The following SLC28A3 variants were observed in gnomAD, a reference collection of about 807,000 sequenced individuals.
SLC28A3 encodes solute carrier family 28 member 3.
Under a neutral mutation model 84.2 loss-of-function variants are expected in SLC28A3, and 68 were observed. The ratio of observed to expected loss-of-function variants is 0.81; its 90% CI spans 0.66 to 0.99. The LOEUF (loss-of-function observed/expected upper bound fraction) is 0.99. SLC28A3 is among the 50% of genes least tolerant of loss of function. The pLI is 0.00. For synonymous variants in SLC28A3, 267 were observed against 303.6 expected (o/e 0.88, Z 1.25); for missense variants, 712 against 841.5 (o/e 0.85, Z 1.90).
the SLC28A3 span, among the ~76,000 whole-genome samples, chr9:84,368,460 C>T: frequency 5.9e-3 from 901 of 152,208 alleles, 4 homozygotes; most frequent in African/African-American, 0.02. Context: ...ACCTGGGTAT[C>T]GCTGCTGGTT....
At chr9:84,321,198 A>G (rs1243669503) in intron 1 of SLC28A3, among the ~76,000 whole-genome samples, 2 of 152,210 alleles carry the variant, frequency 1.3e-5, no homozygotes, top group East Asian at 3.9e-4. Flanking sequence ...AAGAAGATAA[A>G]CAAGGATATA....
the SLC28A3 span, among the ~76,000 whole-genome samples, chr9:84,357,703 G>C: frequency 6.6e-6 from 1 of 152,056 alleles, no homozygotes; most frequent in Non-Finnish European, 1.5e-5. Context: ...CAAATTCAGT[G>C]AACAGTGATG....
chr9:84,279,495 G>T, intron 16 of SLC28A3, 110 bp from the exon 17 acceptor site: 1 of 860,862 alleles, frequency 1.2e-6, no homozygotes, highest in Non-Finnish European at 1.5e-6. Flanking sequence ...AGGCTAGAGT[G>T]TAGTGGCATG....
intron 1 of SLC28A3, among the ~76,000 whole-genome samples, chr9:84,336,672 T>C: frequency 6.6e-6 from 1 of 151,674 alleles, no homozygotes; most frequent in Non-Finnish European, 1.5e-5. Flanking sequence ...TGAGACCCTG[T>C]CTCAAAAAAA....
At chr9:84,338,043 A>G (rs1396151115) in intron 1 of SLC28A3, among the ~76,000 whole-genome samples, 2 of 152,250 alleles carry the variant, frequency 1.3e-5, no homozygotes, top group Non-Finnish European at 2.9e-5. Context: ...ATAGATATGC[A>G]TAACCATTGC....
intron 9 of SLC28A3, among the ~76,000 whole-genome samples, chr9:84,293,429 A>G (rs1825309554): frequency 6.6e-6 from 1 of 152,174 alleles, no homozygotes; most frequent in Non-Finnish European, 1.5e-5. Flanking sequence ...TCTTGCTGTC[A>G]TTCTGAACTC....
At chr9:84,323,637 C>A (rs890751849) in intron 1 of SLC28A3, among the ~76,000 whole-genome samples, 5 of 152,050 alleles carry the variant, frequency 3.3e-5, no homozygotes, top group Admixed American at 2.0e-4. Context: ...GTTGGCCAGG[C>A]TGGTCTCGAA....
Position 84,275,939 on chromosome 9 carries a change from T to G in SLC28A3, c.*2279A>C, listed in dbSNP as rs2117988014. On this transcript the variant is annotated 3_prime_UTR_variant, in exon 18 of 18. Transcript: ENST00000376238. ...GCAGGTAAAAATTAAGACAACATAT[T>G]TCTCCAAAAACCAGTCTGACATCTT... 6.6e-6 allele frequency: 1 copy of G among 152,224 alleles called. No homozygotes were observed. The highest frequency in any genetic ancestry group is 1.9e-4 in the East Asian group (1 of 5,182). The allele number at this position is 152,224 out of a possible 1,614,324, so 9.4% of individuals were successfully genotyped here.
the SLC28A3 span, among the ~76,000 whole-genome samples, chr9:84,351,823 T>C: frequency 6.6e-6 from 1 of 151,884 alleles, no homozygotes. Flanking sequence ...GAAATACACG[T>C]TGGAGTATTT....
rs771612420 is a variant in SLC28A3, at chr9:84,313,310, C to T, written c.156+49G>A. On this transcript the variant is annotated intron_variant, in intron 2 of 17. Transcript: ENST00000376238. ...GCCCACTGTTCTCAGGTGCCTGTTG[C>T]GCAGCGGCTGCCATGGTACTAGAGT... The T allele has an allele frequency of 5.7e-5, 87 of 1,539,194 alleles. 1 individual carries two copies. In the East Asian group the frequency reaches 1.4e-3, roughly 26 times the overall value.
At chr9:84,300,343 TG>T (rs1356790296) in intron 5 of SLC28A3, among the ~76,000 whole-genome samples, 1 of 152,198 alleles carries the variant, frequency 6.6e-6, no homozygotes, top group Non-Finnish European at 1.5e-5. Flanking sequence ...AGAGAGCTAC[TG>T]GGATTCTTCA....
chr9:84,289,973 G>A lies in SLC28A3; in HGVS notation c.1149+181C>T, dbSNP rs1336931452. 11 of 578,660 alleles carry A rather than the reference G, an allele frequency of 1.9e-5. No individual in the cohort carries two copies. The East Asian group carries it at 3.3e-4, about 17-fold the overall frequency. 35.8% of individuals were successfully genotyped at this position (578,660 alleles called of 1,614,324 possible). ...CACATTTAGGCAGCAGGTATATGAA[G>A]CCCTGAAACTCCTTGGGATCCCTAT... On this transcript the variant is annotated intron_variant, in intron 11 of 17. Coordinates refer to ENST00000376238, the MANE Select transcript of SLC28A3 (RefSeq NM_001199633.2).
intron 1 of SLC28A3, among the ~76,000 whole-genome samples, chr9:84,315,506 A>G (rs573834961): frequency 9.2e-5 from 14 of 152,242 alleles, no homozygotes; most frequent in African/African-American, 3.4e-4. Context: ...GGTGGATCCT[A>G]CGTTTTTAAA....
At chr9:84,312,420 T>G (rs1442219019) in intron 2 of SLC28A3, among the ~76,000 whole-genome samples, 2 of 152,202 alleles carry the variant, frequency 1.3e-5, no homozygotes, top group African/African-American at 2.4e-5. Flanking sequence ...ATTATAAGCC[T>G]TTTTTGGTTT....
intron 1 of SLC28A3, among the ~76,000 whole-genome samples, chr9:84,333,662 T>G (rs1012269196): frequency 2.0e-5 from 3 of 152,134 alleles, no homozygotes; most frequent in Admixed American, 6.5e-5. Flanking sequence ...AGCTGAATAA[T>G]GATGAGAAAT....
At chr9:84,306,960 C>T (rs1588592558) in intron 3 of SLC28A3, among the ~76,000 whole-genome samples, 1 of 129,716 alleles carries the variant, frequency 7.7e-6, no homozygotes, top group African/African-American at 3.0e-5. Flanking sequence ...GAGTTTCAGA[C>T]CAGCCTGGGA....
intron 12 of SLC28A3, among the ~76,000 whole-genome samples, chr9:84,286,445 CTTTTTTT>C (rs71498094): frequency 4.2e-4 from 37 of 87,680 alleles, no homozygotes; most frequent in African/African-American, 1.7e-3. Context: ...CCATGCTTGG[CTTTTTTT>C]TTTTTTTTTT....
intron 14 of SLC28A3, among the ~76,000 whole-genome samples, chr9:84,282,101 C>T (rs1333651348): frequency 2.0e-5 from 3 of 152,254 alleles, no homozygotes; most frequent in Admixed American, 1.3e-4. Context: ...GAGATCGCAC[C>T]GTTGCCCTAC....
At chr9:84,342,580 A>ATT (rs34749390), upstream of SLC28A3, among the ~76,000 whole-genome samples, 19 of 143,074 alleles carry the variant, frequency 1.3e-4, no homozygotes, top group African/African-American at 3.6e-4. Context: ...CCATGGCTAA[A>ATT]TTTTTTTTTT....
Sources: gnomAD v4.1 joint callset for allele counts (sites outside exome capture counted in the v4.1 genomes callset) on GRCh38, gnomAD v4.1.1 for gene constraint, MANE v1.5 for transcripts, NCBI Gene and HGNC (gene_info 2026-07-23, HGNC 2026-07-21) for gene names.